PLEKHG4B: variants seen among roughly 807,000 people sequenced by gnomAD.
The protein encoded by PLEKHG4B is pleckstrin homology domain-containing family G member 4B.
PLEKHG4B carries 111 observed loss-of-function variants against 121.3 expected under a neutral mutation model. The ratio of observed to expected loss-of-function variants is 0.92; its 90% confidence interval spans 0.78 to 1.07. The LOEUF (loss-of-function observed/expected upper bound fraction) is 1.07, where lower values mean the gene tolerates loss of function less well. PLEKHG4B is among the 50% of genes least tolerant of loss of function. The pLI is 0.00. For missense variants in PLEKHG4B, 1,831 were observed against 1,757.8 expected, an observed-to-expected ratio of 1.04 and a Z score of -0.74; for synonymous variants, 738 against 725.0, an observed-to-expected ratio of 1.02 and a Z score of -0.29.
intron 1 of PLEKHG4B, among the ~76,000 whole-genome samples, chr5:107,397 G>A (rs1021256976): frequency 1.1e-4 from 17 of 152,224 alleles, no homozygotes; most frequent in Non-Finnish European, 2.1e-4. Context: ...TAAGTTGCAC[G>A]ACGTTGCCCC....
intron 1 of PLEKHG4B, among the ~76,000 whole-genome samples, chr5:100,160 C>T (rs1275119253): frequency 6.6e-6 from 1 of 152,214 alleles, no homozygotes; most frequent in Middle Eastern, 3.4e-3. Context: ...AATTTTTTGA[C>T]TCTGCTCTTA....
intron 2 of PLEKHG4B, among the ~76,000 whole-genome samples, chr5:123,006 A>T (rs1734514416): frequency 6.6e-6 from 1 of 152,236 alleles, no homozygotes; most frequent in Non-Finnish European, 1.5e-5. Context: ...AATTGGAAAA[A>T]AAATCGTTAA....
chr5:131,258 C>G (rs1734769704), intron 2 of PLEKHG4B, among the ~76,000 whole-genome samples: 1 of 152,098 alleles, frequency 6.6e-6, no homozygotes, highest in Non-Finnish European at 1.5e-5. Context: ...TATCCCTCCC[C>G]TAGAACCCCA....
chr5:121,368 G>A (rs1303422350), intron 2 of PLEKHG4B, among the ~76,000 whole-genome samples: 1 of 152,182 alleles, frequency 6.6e-6, no homozygotes, highest in Non-Finnish European at 1.5e-5. Flanking sequence ...ACATGAATTT[G>A]AAGACTTGCC....
At chr5:122,008 GACA>G (rs150692179) in intron 2 of PLEKHG4B, among the ~76,000 whole-genome samples, 6,103 of 152,102 alleles carry the variant, frequency 0.04, 194 homozygotes, top group Non-Finnish European at 0.057. Context: ...TAAAATATAT[GACA>G]ACAAAAGCAC....
At position 162,868 on chromosome 5, in the gene PLEKHG4B, C is replaced by CCT; in HGVS notation, c.2797_2798dup (p.Gly934TrpfsTer52). ...GTGTGGCAGTGCTGAAGCCTCATGC[C>CCT]CTGGGGAAACCGTGGGCATCACAGC... On this transcript the variant is annotated frameshift_variant, in exon 13 of 20. Coordinates refer to ENST00000637938, the MANE Select transcript of PLEKHG4B (RefSeq NM_052909.5). LOFTEE classifies it high-confidence loss of function. 2.6e-6 allele frequency: 4 copies of CCT among 1,519,270 alleles called. No individual in the cohort carries two copies. The highest frequency in any genetic ancestry group is 2.6e-5 in the South Asian group (2 of 76,744). 94.1% of individuals were successfully genotyped at this position (1,519,270 alleles called of 1,614,324 possible).
chr5:150,697 G>A (rs1735578453), intron 6 of PLEKHG4B, among the ~76,000 whole-genome samples: 1 of 152,142 alleles, frequency 6.6e-6, no homozygotes, highest in Non-Finnish European at 1.5e-5. Context: ...TTAATCACTG[G>A]GGAAATGCAA....
intron 11 of PLEKHG4B, 111 bp from the exon 12 acceptor site, chr5:161,670 CTG>C (rs1427269048): frequency 7.2e-7 from 1 of 1,393,186 alleles, no homozygotes; most frequent in African/African-American, 1.4e-5. Flanking sequence ...GCAGGCAGCA[CTG>C]TGGGCCGTCC....
Position 156,768 on chromosome 5 carries a change from C to T in PLEKHG4B, c.2349-5C>T, listed in dbSNP as rs373074229. The T allele has an allele frequency of 6.5e-7, 1 of 1,549,528 alleles. No individual in the cohort carries two copies. The highest frequency in any genetic ancestry group is 1.4e-5 in the African/African-American group (1 of 73,298). ...GAAGCCTGAGGACTGCCTTCTCTTC[C>T]TCAGGGACACCCTGGAGGCCGCCAC... On this transcript the variant is annotated splice_region_variant and splice_polypyrimidine_tract_variant and intron_variant, in intron 10 of 19. Coordinates refer to ENST00000637938, the MANE Select transcript of PLEKHG4B (RefSeq NM_052909.5). This position sits in a 1 kb window ranked among gnomAD's most constrained non-coding sequence, Gnocchi z 4.4.
chr5:158,883 T>C (rs1486765204), intron 11 of PLEKHG4B, among the ~76,000 whole-genome samples: 1 of 152,270 alleles, frequency 6.6e-6, no homozygotes, highest in African/African-American at 2.4e-5. Context: ...TGGCGTTTTA[T>C]GCAGAATAAC....
At chr5:141,914 A>G (rs539504098) in intron 3 of PLEKHG4B, among the ~76,000 whole-genome samples, 19 of 151,978 alleles carry the variant, frequency 1.3e-4, no homozygotes, top group South Asian at 1.2e-3. Context: ...TGCCCTGCCA[A>G]CCCCTCCTAC....
In PLEKHG4B at chr5:181,602, A is replaced by G. The variant is rs1429565816; in HGVS notation, c.4491A>G (p.Ala1497=). The G allele has an allele frequency of 9.4e-6, 15 of 1,602,920 alleles. No individual in the cohort carries two copies. The highest frequency in any genetic ancestry group is 1.7e-4 in the Middle Eastern group (1 of 6,030). The change falls in exon 19 of 20, where the codon GCA becomes GCG. Residue 1497 remains alanine (A), a synonymous_variant. Transcript: ENST00000637938. ...VKPRDRTPDC[A]VISDRAPKCA... ...CCAGAGACCGGACCCCTGACTGTGC[A>G]GTGATAAGCGACCGGGCTCCCAAAT...
At chr5:129,786 A>C (rs1326538328) in intron 2 of PLEKHG4B, among the ~76,000 whole-genome samples, 1 of 152,222 alleles carries the variant, frequency 6.6e-6, no homozygotes, top group African/African-American at 2.4e-5. Flanking sequence ...TTTAAAGCTA[A>C]AATAAAATAT....
In PLEKHG4B at chr5:186,719, C is replaced by G. The variant is rs1027626570; in HGVS notation, c.*4396C>G. The G allele has an allele frequency of 6.5e-6, 1 of 152,806 alleles. No homozygotes were observed. The highest frequency in any genetic ancestry group is 2.4e-5 in the African/African-American group (1 of 41,452). 9.5% of individuals were successfully genotyped at this position (152,806 alleles called of 1,614,324 possible). On this transcript the variant is annotated 3_prime_UTR_variant, in exon 20 of 20. Transcript: ENST00000637938. ...GGAAGGGTTTGTGGCCACAGCCCCA[C>G]AGCGGCCCCCTCGCCTCGACCACCA...
intron 11 of PLEKHG4B, among the ~76,000 whole-genome samples, chr5:161,446 G>A (rs1735996629): frequency 6.6e-6 from 1 of 152,240 alleles, no homozygotes; most frequent in Non-Finnish European, 1.5e-5. Context: ...TTCACGGGTG[G>A]TTACGCAGCC....
chr5:118,996 G>C (rs991438311), intron 2 of PLEKHG4B, among the ~76,000 whole-genome samples: 2 of 151,890 alleles, frequency 1.3e-5, no homozygotes, highest in Non-Finnish European at 2.9e-5. Flanking sequence ...GACTACAGGC[G>C]TGTGCCACCA....
chr5:176,729 G>A (rs545499649), intron 18 of PLEKHG4B, among the ~76,000 whole-genome samples: 10 of 152,338 alleles, frequency 6.6e-5, no homozygotes, highest in Non-Finnish European at 1.2e-4. Context: ...TCAGAGACTC[G>A]GCATTGCTGG....
In PLEKHG4B at chr5:156,524, C is replaced by T. The variant is rs1188703612; in HGVS notation, c.2349-249C>T. On this transcript the variant is annotated intron_variant, in intron 10 of 19. Transcript: ENST00000637938. The surrounding 1 kb of genome is among the most constrained non-coding windows in gnomAD (Gnocchi z 4.4). ...AGTCCCTGTCCATCTCAGCTGCACACAGCCAGTCCCGCCTAAGCTGCCCCA... is the reference window on the plus strand; with the variant it reads ...AGTCCCTGTCCATCTCAGCTGCACATAGCCAGTCCCGCCTAAGCTGCCCCA... Among the ~76,000 whole-genome samples, 1 of 152,014 alleles carries T rather than the reference C, an allele frequency of 6.6e-6. No homozygotes were observed. The highest frequency in any genetic ancestry group is 2.4e-5 in the African/African-American group (1 of 41,406).
chr5:110,514 A>G (rs1206013002), intron 1 of PLEKHG4B, among the ~76,000 whole-genome samples: 1 of 146,934 alleles, frequency 6.8e-6, no homozygotes, highest in Admixed American at 6.7e-5. Flanking sequence ...TCTGCAACAC[A>G]CATGCACACA....
Sources: gnomAD v4.1 joint callset for allele counts (sites outside exome capture counted in the v4.1 genomes callset) on GRCh38, gnomAD v4.1.1 for gene constraint, Gnocchi (gnomAD v3.1) non-coding constraint, MANE v1.5 for transcripts, NCBI Gene and HGNC (gene_info 2026-07-23, HGNC 2026-07-21) for gene names.